Variants in GRIN2A observed in about 807,000 individuals in gnomAD.
The protein encoded by GRIN2A is glutamate receptor ionotropic, NMDA 2A.
In GRIN2A, 22 loss-of-function variants were observed where a neutral mutation model predicts 113.4. The ratio of observed to expected loss-of-function variants is 0.19; its 90% CI spans 0.14 to 0.28. The LOEUF (loss-of-function observed/expected upper bound fraction) is 0.28. Among genes scored for constraint, GRIN2A ranks in the 10% least tolerant of loss-of-function variants. The probability of loss-of-function intolerance (pLI) is 1.00; values close to 1 mark genes in which losing one functional copy is unlikely to be tolerated. For synonymous variants in GRIN2A, 827 were observed against 738.4 expected, an observed-to-expected ratio of 1.12 and a Z score of -1.94; for missense variants, 1,502 against 1,887.0, an observed-to-expected ratio of 0.80 and a Z score of 3.78.
At chr16:9,844,501 A>T (rs1706340952) in intron 5 of GRIN2A, among the ~76,000 whole-genome samples, 1 of 152,216 alleles carries the variant, frequency 6.6e-6, no homozygotes, top group Admixed American at 6.5e-5. Flanking sequence ...TTAACTACAC[A>T]GACTGAGAAA....
Position 9,784,241 on chromosome 16 carries a change from C to T in GRIN2A, c.2356+14036G>A, listed in dbSNP as rs371478231. ...GGTCAGGAGTTCAAGACCAGCCTGG[C>T]CAACATGGCAAAACCCAGTCTCTAC... On this transcript the variant is annotated intron_variant, in intron 11 of 12. Coordinates refer to ENST00000330684, the MANE Select transcript of GRIN2A (RefSeq NM_001134407.3). Among the ~76,000 whole-genome samples, 4 of 152,160 alleles carry T rather than the reference C, an allele frequency of 2.6e-5. No homozygotes were observed. In the East Asian group the frequency reaches 5.8e-4, roughly 22 times the overall value.
At chr16:9,845,067 T>C (rs1023360734) in intron 5 of GRIN2A, among the ~76,000 whole-genome samples, 8 of 152,164 alleles carry the variant, frequency 5.3e-5, no homozygotes, top group African/African-American at 1.9e-4. Context: ...TCTTCTTTAA[T>C]GTTGGGATTA....
chr16:9,770,335 A>G (rs183726724), intron 11 of GRIN2A, among the ~76,000 whole-genome samples: 1 of 152,254 alleles, frequency 6.6e-6, no homozygotes. Flanking sequence ...CCAAATGTTT[A>G]TATCAATTCT....
At chr16:10,169,552 T>C (rs1215590827) in intron 2 of GRIN2A, among the ~76,000 whole-genome samples, 1 of 152,106 alleles carries the variant, frequency 6.6e-6, no homozygotes, top group South Asian at 2.1e-4. Context: ...CAGTTTTGAA[T>C]GCTAGGAGGT....
chr16:9,831,432 T>C (rs1167026780), intron 8 of GRIN2A, among the ~76,000 whole-genome samples: 1 of 151,858 alleles, frequency 6.6e-6, no homozygotes, highest in African/African-American at 2.4e-5. Context: ...ACACACTATC[T>C]GGATAGAGTA....
intron 4 of GRIN2A, among the ~76,000 whole-genome samples, chr16:9,886,007 G>T (rs1326150050): frequency 1.3e-5 from 2 of 152,330 alleles, no homozygotes; most frequent in Admixed American, 1.3e-4. Flanking sequence ...GTGTATCAAG[G>T]GCAGCTGTCA....
intron 2 of GRIN2A, among the ~76,000 whole-genome samples, chr16:9,960,206 G>T (rs2045409322): frequency 6.6e-6 from 1 of 152,108 alleles, no homozygotes; most frequent in African/African-American, 2.4e-5. Context: ...AATATCAGTT[G>T]AATAAATACT....
At chr16:9,996,046 A>G (rs1037152273) in intron 2 of GRIN2A, among the ~76,000 whole-genome samples, 5 of 150,146 alleles carry the variant, frequency 3.3e-5, no homozygotes, top group Admixed American at 3.3e-4. Context: ...AAAAAAAAAA[A>G]AAAAAAGAAA....
At chr16:10,092,989 C>A (rs2048211231) in intron 2 of GRIN2A, among the ~76,000 whole-genome samples, 1 of 152,068 alleles carries the variant, frequency 6.6e-6, no homozygotes. Flanking sequence ...CAGGCACCCA[C>A]CACCATGCCT....
chr16:9,768,041 T>C (rs1048522913), intron 12 of GRIN2A, among the ~76,000 whole-genome samples: 18 of 151,876 alleles, frequency 1.2e-4, no homozygotes, highest in African/African-American at 4.1e-4. Flanking sequence ...TGTTTTTAAA[T>C]TTTTTTTTAT....
chr16:10,075,069 G>A (rs892833475), intron 2 of GRIN2A, among the ~76,000 whole-genome samples: 1 of 152,064 alleles, frequency 6.6e-6, no homozygotes, highest in Non-Finnish European at 1.5e-5. Flanking sequence ...TGGTTCTGAC[G>A]CCAGGCCACA....
At chr16:10,016,793 C>G (rs1567236123) in intron 2 of GRIN2A, among the ~76,000 whole-genome samples, 1 of 152,210 alleles carries the variant, frequency 6.6e-6, no homozygotes, top group Non-Finnish European at 1.5e-5. Flanking sequence ...ACAAGGGCAC[C>G]ATCCCACTAC....
At chr16:9,981,763 A>T (rs143750433) in intron 2 of GRIN2A, among the ~76,000 whole-genome samples, 3 of 152,256 alleles carry the variant, frequency 2.0e-5, no homozygotes, top group African/African-American at 7.2e-5. Context: ...AATACACACA[A>T]GGTCTATATG....
intron 11 of GRIN2A, among the ~76,000 whole-genome samples, chr16:9,780,227 C>T (rs146432996): frequency 3.0e-4 from 46 of 152,318 alleles, no homozygotes; most frequent in Admixed American, 1.1e-3. Context: ...GTTGAGTAGA[C>T]GCGCTCTATT....
At chr16:9,858,078 C>T (rs2042998509) in intron 4 of GRIN2A, among the ~76,000 whole-genome samples, 1 of 152,208 alleles carries the variant, frequency 6.6e-6, no homozygotes, top group South Asian at 2.1e-4. Context: ...CAAATCAGTA[C>T]ACTGACTGGC....
At chr16:9,830,315 A>G (rs1396590048) in intron 8 of GRIN2A, among the ~76,000 whole-genome samples, 1 of 152,194 alleles carries the variant, frequency 6.6e-6, no homozygotes, top group Non-Finnish European at 1.5e-5. Context: ...CACTTTTTCC[A>G]GTATATCCTC....
chr16:10,070,694 C>T (rs955910915), intron 2 of GRIN2A, among the ~76,000 whole-genome samples: 2 of 152,146 alleles, frequency 1.3e-5, no homozygotes, highest in Non-Finnish European at 2.9e-5. Context: ...GCCCTTCTTC[C>T]CCCTCTACTC....
chr16:9,767,600 A>G (rs531013526), intron 12 of GRIN2A, among the ~76,000 whole-genome samples: 51 of 152,160 alleles, frequency 3.4e-4, no homozygotes, highest in African/African-American at 1.0e-3. Flanking sequence ...AAAAACACAA[A>G]CAAAACAAAA....
intron 2 of GRIN2A, among the ~76,000 whole-genome samples, chr16:9,963,140 G>A (rs1567203216): frequency 2.7e-5 from 4 of 147,520 alleles, no homozygotes; most frequent in Admixed American, 2.7e-4. Context: ...GGGCGGGGAG[G>A]GATAGCATTA....
Sources: allele counts gnomAD v4.1 joint callset (sites outside exome capture counted in the v4.1 genomes callset), GRCh38; gene constraint gnomAD v4.1.1; transcripts MANE v1.5; gene names NCBI Gene and HGNC (gene_info 2026-07-23, HGNC 2026-07-21).